Variants in MYH10 observed in about 807,000 individuals in gnomAD.
MYH10 encodes the protein myosin heavy chain 10, also known as myosin-10.
In MYH10, 55 loss-of-function variants were observed where a neutral mutation model predicts 257.8. That is an observed-to-expected ratio of 0.21 (90% CI 0.17 to 0.27). MYH10 has a LOEUF of 0.27. Among genes scored for constraint, MYH10 ranks in the 10% least tolerant of loss-of-function variants. MYH10 has a pLI of 1.00. For synonymous variants in MYH10, 854 were observed against 921.7 expected (o/e 0.93, Z 1.33); for missense variants, 1,631 against 2,500.6 (o/e 0.65, Z 7.42).
intron 4 of MYH10, among the ~76,000 whole-genome samples, chr17:8,579,381 A>G (rs1347933557): frequency 6.6e-6 from 1 of 152,228 alleles, no homozygotes; most frequent in Non-Finnish European, 1.5e-5. Context: ...CTCTGCACCC[A>G]GATAACCACA....
At chr17:8,566,438 G>A (rs573806179) in intron 7 of MYH10, among the ~76,000 whole-genome samples, 37 of 152,264 alleles carry the variant, frequency 2.4e-4, no homozygotes, top group African/African-American at 8.9e-4. Context: ...TCTGGGAGAA[G>A]CTGGCTGCCA....
At chr17:8,478,309 G>T in intron 41 of MYH10, 29 bp downstream of exon 41, 1 of 1,582,914 alleles carries the variant, frequency 6.3e-7, no homozygotes, top group Non-Finnish European at 8.7e-7. Context: ...TTGCTCACGC[G>T]CTTCCCAGGG....
rs1913533739 is a variant in MYH10, at chr17:8,480,481, G to A, written c.5309C>T (p.Ala1770Val). 1 of 1,611,694 alleles carries A rather than the reference G, an allele frequency of 6.2e-7. No individual in the cohort carries two copies. Among genetic ancestry groups the A allele is most frequent in the African/African-American group, 1.3e-5 (1 of 74,888 alleles). ...DEKRRLEARI[A>V]QLEEELEEEQ... ...CTCTTCCAGCTCCTCCTCCAGCTGTGCGATCCGAGCTTCCAGACGCCGCTT... is the reference window on the plus strand; with the variant it reads ...CTCTTCCAGCTCCTCCTCCAGCTGTACGATCCGAGCTTCCAGACGCCGCTT... Residue 1770 changes from alanine (A) to valine (V), a missense_variant, in exon 39 of 43, where the codon GCA becomes GTA. Ala to Val is a moderately conservative substitution (Grantham distance 64). Around this residue, in one of 11 missense-constraint regions of MYH10, gnomAD observed 343 missense variants for 389.5 expected, o/e 0.88. Transcript: ENST00000360416.
intron 3 of MYH10, among the ~76,000 whole-genome samples, chr17:8,601,977 C>T (rs1390396819): frequency 3.6e-5 from 5 of 138,866 alleles, no homozygotes; most frequent in Admixed American, 7.3e-5. Context: ...GAAACAGAAT[C>T]TTTTTTTTTT....
At chr17:8,560,672 T>C (rs1009126663) in intron 7 of MYH10, 11 of 746,204 alleles carry the variant, frequency 1.5e-5, no homozygotes, top group Non-Finnish European at 2.5e-5. Context: ...GCCAGAGTGC[T>C]GACTTCACAC....
chr17:8,480,638 A>G, intron 38 of MYH10, 113 bp from the exon 39 acceptor site: 5 of 1,426,474 alleles, frequency 3.5e-6, no homozygotes, highest in Non-Finnish European at 4.8e-6. Flanking sequence ...GCCATCCTGA[A>G]TTTTCTCTTT....
chr17:8,480,294 C>T lies in MYH10; in HGVS notation c.5413G>A (p.Ala1805Thr), dbSNP rs746339192. The T allele has an allele frequency of 6.2e-7, 1 of 1,614,098 alleles. No homozygotes were observed. Among genetic ancestry groups the T allele is most frequent in the South Asian group, 1.1e-5 (1 of 91,076 alleles). The change falls in exon 40 of 43, where the codon GCA (alanine) becomes ACA (threonine). Residue 1805 changes from alanine to threonine, a missense_variant. Ala to Thr is a moderately conservative substitution (Grantham distance 58). Around this residue, in one of 11 missense-constraint regions of MYH10, gnomAD observed 343 missense variants for 389.5 expected, o/e 0.88. Transcript: ENST00000360416. ...LQVDTLNAEL[A>T]AERSAAQKSD... ...TTCTGGGCGGCGCTGCGCTCGGCTG[C>T]TAGCTCGGCGTTCAGTGTGTCCACC...
chr17:8,479,997 A>G (rs1913406694), intron 40 of MYH10, 113 bp downstream of exon 40: 2 of 979,760 alleles, frequency 2.0e-6, no homozygotes, highest in Non-Finnish European at 3.0e-6. Context: ...CACTCTGGTT[A>G]TATGTGTTCT....
At chr17:8,531,106 T>C (rs2081992662) in intron 16 of MYH10, among the ~76,000 whole-genome samples, 1 of 152,144 alleles carries the variant, frequency 6.6e-6, no homozygotes, top group Non-Finnish European at 1.5e-5. Context: ...CTGTCAAAAA[T>C]TACGCTGCTG....
intron 1 of MYH10, among the ~76,000 whole-genome samples, chr17:8,629,901 G>A (rs2085840501): frequency 6.6e-6 from 1 of 151,716 alleles, no homozygotes; most frequent in African/African-American, 2.4e-5. Context: ...CGGCGCCGGC[G>A]GAGTCCGACC....
rs1380407922 is a variant in MYH10 at position 8,535,424 on chromosome 17, C to T, written c.1857G>A (p.Gln619=). The T allele has an allele frequency of 1.2e-6, 2 of 1,614,098 alleles. No homozygotes were observed. The highest frequency in any genetic ancestry group is 1.7e-6 in the Non-Finnish European group (2 of 1,179,984). ...LNDNVATLLH[Q]SSDRFVAELW... Reference sequence around the variant, plus strand: ...GCTCTGCCACAAATCTGTCTGATGACTGGTGCAAAAGGGTGGCCACGTTGT... The same window carrying T: ...GCTCTGCCACAAATCTGTCTGATGATTGGTGCAAAAGGGTGGCCACGTTGT... The change falls in exon 16 of 43, where the codon CAG becomes CAA. Residue 619 remains glutamine (Q), a synonymous_variant. Transcript: ENST00000360416. This position sits in a 1 kb window ranked among gnomAD's most constrained non-coding sequence, Gnocchi z 4.3.
chr17:8,481,232 G>A (rs1195676686), intron 38 of MYH10, 90 bp downstream of exon 38: 35 of 1,315,084 alleles, frequency 2.7e-5, no homozygotes, highest in Admixed American at 5.3e-5. Context: ...CAAACCACCC[G>A]CTGATGCCAG....
intron 17 of MYH10, among the ~76,000 whole-genome samples, chr17:8,529,634 T>C (rs2081957171): frequency 6.6e-6 from 1 of 152,178 alleles, no homozygotes; most frequent in South Asian, 2.1e-4. Context: ...CACTCCATAC[T>C]TGCAGTCTAC....
At position 8,585,286 on chromosome 17, in the gene MYH10, GTGTATATA is replaced by G. The variant is rs1443043443; in HGVS notation, c.530+3787_530+3794del. On this transcript the variant is annotated intron_variant, in intron 4 of 42. Coordinates refer to ENST00000360416, the MANE Select transcript of MYH10 (RefSeq NM_001256012.3). Reference sequence around the variant, plus strand: ...TGTATATATATGTGCATGTGTGTGTGTGTATATATATATATATATAGCTACATATGGAA... The same window carrying G: ...TGTATATATATGTGCATGTGTGTGTGTATATATATATAGCTACATATGGAA... Among the ~76,000 whole-genome samples, 49 of 84,632 alleles carry G rather than the reference GTGTATATA, an allele frequency of 5.8e-4. 2 individuals are homozygous for G. In the East Asian group the frequency reaches 9.9e-3, roughly 17 times the overall value. 55.5% of individuals were successfully genotyped at this position (84,632 alleles called of 152,430 possible).
At position 8,475,662 on chromosome 17, in the gene MYH10, T is replaced by TA; in HGVS notation, c.*141dup. On this transcript the variant is annotated 3_prime_UTR_variant, in exon 43 of 43. Transcript: ENST00000360416. ...TACCTAAGTCTGAAGCAGGATACAG[T>TA]ATGCATAGGCTGGAGAGCCTTAAGA... The TA allele has an allele frequency of 1.1e-6, 1 of 916,136 alleles. No individual in the cohort carries two copies. The highest frequency in any genetic ancestry group is 1.6e-5 in the South Asian group (1 of 62,246). The allele number at this position is 916,136 out of a possible 1,614,324, so 56.8% of individuals were successfully genotyped here. A position where few individuals can be genotyped will look rare whatever the true frequency, so the allele number is the denominator to read the frequency against.
At chr17:8,581,815 TA>T (rs1463274124) in intron 4 of MYH10, among the ~76,000 whole-genome samples, 1 of 152,262 alleles carries the variant, frequency 6.6e-6, no homozygotes, top group Non-Finnish European at 1.5e-5. Context: ...TTTGAATTAC[TA>T]AACTTTATGA....
intron 2 of MYH10, among the ~76,000 whole-genome samples, chr17:8,610,406 T>C (rs2084990868): frequency 1.4e-5 from 2 of 148,078 alleles, no homozygotes; most frequent in East Asian, 2.0e-4. Context: ...CTGGGCAATA[T>C]AGTGAGACCC....
At chr17:8,605,834 C>T (rs188843125) in intron 2 of MYH10, among the ~76,000 whole-genome samples, 46 of 152,248 alleles carry the variant, frequency 3.0e-4, no homozygotes, top group South Asian at 2.1e-4. Context: ...CTTCATATGC[C>T]TTACCCAAAA....
At chr17:8,541,289 ACT>A (rs918055893) in intron 14 of MYH10, among the ~76,000 whole-genome samples, 7 of 152,140 alleles carry the variant, frequency 4.6e-5, no homozygotes, top group African/African-American at 1.7e-4. Flanking sequence ...CTAGGAGAAA[ACT>A]CTGCGTTATT....
Sources: gnomAD v4.1 joint callset for allele counts (sites outside exome capture counted in the v4.1 genomes callset) on GRCh38, gnomAD v4.1.1 for gene constraint, gnomAD v4.1.1 regional missense constraint, Gnocchi (gnomAD v3.1) non-coding constraint, MANE v1.5 for transcripts, NCBI Gene and HGNC (gene_info 2026-07-23, HGNC 2026-07-21) for gene names.